PDE10A: variants seen among roughly 807,000 people sequenced by gnomAD.
PDE10A encodes the protein cAMP and cAMP-inhibited cGMP 3',5'-cyclic phosphodiesterase 10A.
A neutral mutation model predicts 97.7 loss-of-function variants in PDE10A; 39 were observed. That is an observed-to-expected ratio of 0.40 (90% CI 0.31 to 0.52). The LOEUF (loss-of-function observed/expected upper bound fraction) is 0.52. Among genes scored for constraint, PDE10A ranks in the 20% least tolerant of loss-of-function variants. The pLI is 0.56. For missense variants in PDE10A, 731 were observed against 1,047.8 expected (o/e 0.70, Z 4.17); for synonymous variants, 371 against 376.8 (o/e 0.98, Z 0.18).
At chr6:165,674,039 C>G (rs1415636026) in intron 1 of PDE10A, among the ~76,000 whole-genome samples, 1 of 152,040 alleles carries the variant, frequency 6.6e-6, no homozygotes, top group Non-Finnish European at 1.5e-5. Context: ...ATAAATGTTT[C>G]CCAGGAAAGA....
chr6:165,405,411 T>C (rs868789164), intron 13 of PDE10A, among the ~76,000 whole-genome samples: 5 of 152,188 alleles, frequency 3.3e-5, no homozygotes, highest in African/African-American at 7.2e-5. Flanking sequence ...TAACAATGAA[T>C]TGAAATTTTA....
intron 2 of PDE10A, among the ~76,000 whole-genome samples, chr6:165,506,891 T>TCTCTGATGTCTTTGTCC (rs1781227109): frequency 6.6e-6 from 1 of 152,180 alleles, no homozygotes; most frequent in Non-Finnish European, 1.5e-5. Context: ...TGCATTGCAT[T>TCTCTGATGTCTTTGTCC]CTCTGATGTC....
chr6:165,423,415 G>T (rs1788863536), intron 10 of PDE10A, among the ~76,000 whole-genome samples: 1 of 152,212 alleles, frequency 6.6e-6, no homozygotes, highest in African/African-American at 2.4e-5. Flanking sequence ...ATGAGTGCAG[G>T]TATGTTTGTT....
At chr6:165,373,681 C>T (rs1332848814) in intron 18 of PDE10A, among the ~76,000 whole-genome samples, 5 of 152,088 alleles carry the variant, frequency 3.3e-5, no homozygotes, top group African/African-American at 7.2e-5. Context: ...GGCGATTCCT[C>T]AGGGATCTAG....
At chr6:165,554,044 A>G (rs754902917) in intron 1 of PDE10A, among the ~76,000 whole-genome samples, 9 of 151,918 alleles carry the variant, frequency 5.9e-5, no homozygotes, top group Non-Finnish European at 1.3e-4. Flanking sequence ...TCGGTGGGGG[A>G]CTGGGGGTTC....
At position 165,459,554 on chromosome 6, in the gene PDE10A, C is replaced by T. The variant is rs369717685; in HGVS notation, c.1024-9192G>A. Among the ~76,000 whole-genome samples the T allele has an allele frequency of 9.7e-4, 115 of 118,460 alleles. 1 individual carries two copies. The highest frequency in any genetic ancestry group is 3.6e-3 in the African/African-American group (96 of 27,036). The allele number at this position is 118,460 out of a possible 152,430, so 77.7% of individuals were successfully genotyped here. On this transcript the variant is annotated intron_variant, in intron 3 of 21. Coordinates refer to ENST00000539869, the MANE Select transcript of PDE10A (RefSeq NM_001385079.1). ...ACAGACAGACAGACAGACAGACAGA[C>T]AGACAGATAGATAGATAATGATAGA...
At chr6:165,512,629 C>A (rs1781567187) in intron 2 of PDE10A, among the ~76,000 whole-genome samples, 2 of 151,956 alleles carry the variant, frequency 1.3e-5, no homozygotes, top group South Asian at 4.1e-4. Flanking sequence ...TGGAGCTATA[C>A]TGAATAATGC....
intron 1 of PDE10A, among the ~76,000 whole-genome samples, chr6:165,729,671 A>G (rs1792379961): frequency 6.6e-6 from 1 of 152,232 alleles, no homozygotes; most frequent in Non-Finnish European, 1.5e-5. Context: ...GAGGCCCACA[A>G]TACTAATTAA....
At chr6:165,392,386 A>C (rs138238143) in intron 16 of PDE10A, among the ~76,000 whole-genome samples, 1 of 152,322 alleles carries the variant, frequency 6.6e-6, no homozygotes, top group East Asian at 1.9e-4. Flanking sequence ...AAGCTTTAAC[A>C]GGTAAGACAG....
chr6:165,573,215 GTA>G (rs1054478440), intron 1 of PDE10A, among the ~76,000 whole-genome samples: 1 of 150,514 alleles, frequency 6.6e-6, no homozygotes, highest in African/African-American at 2.4e-5. Context: ...ATAGAATAAT[GTA>G]CTGCGCAGAC....
Position 165,343,623 on chromosome 6 carries a change from C to A in PDE10A, c.2784-121G>T, listed in dbSNP as rs1224461078. The A allele has an allele frequency of 6.3e-5, 44 of 701,742 alleles. No homozygotes were observed. In the South Asian group the frequency reaches 6.7e-4, roughly 11 times the overall value. 43.5% of individuals were successfully genotyped at this position (701,742 alleles called of 1,614,324 possible). On this transcript the variant is annotated intron_variant, in intron 18 of 21. Coordinates refer to ENST00000539869, the MANE Select transcript of PDE10A (RefSeq NM_001385079.1). ...ATGTATTACTTCATTAAAGAGCACA[C>A]AGAAGTGACAGCCAGGACAGTAAAA...
chr6:165,476,910 C>T (rs1228498057), intron 3 of PDE10A, among the ~76,000 whole-genome samples: 1 of 152,174 alleles, frequency 6.6e-6, no homozygotes, highest in African/African-American at 2.4e-5. Flanking sequence ...TCTAGCAACT[C>T]AGCATCCAAA....
At chr6:165,795,786 A>G (rs1778811717) in intron 1 of PDE10A, among the ~76,000 whole-genome samples, 1 of 152,022 alleles carries the variant, frequency 6.6e-6, no homozygotes, top group Non-Finnish European at 1.5e-5. Context: ...AACTTAATGT[A>G]GTGGCCTGAG....
At chr6:165,673,346 C>G (rs1303178059) in intron 1 of PDE10A, among the ~76,000 whole-genome samples, 1 of 152,212 alleles carries the variant, frequency 6.6e-6, no homozygotes, top group African/African-American at 2.4e-5. Flanking sequence ...TAGCCCCACT[C>G]TGACGTACAC....
chr6:165,576,220 A>G (rs1352876165), intron 1 of PDE10A, among the ~76,000 whole-genome samples: 1 of 152,248 alleles, frequency 6.6e-6, no homozygotes, highest in Non-Finnish European at 1.5e-5. Context: ...AACCCTGTCA[A>G]TGATACTGTA....
intron 1 of PDE10A, among the ~76,000 whole-genome samples, chr6:165,653,506 C>T (rs1345250068): frequency 1.3e-5 from 2 of 152,204 alleles, no homozygotes; most frequent in African/African-American, 4.8e-5. Flanking sequence ...CTGAATCACA[C>T]TGAGGAAGTG....
chr6:165,941,594 C>A (rs1397685), intron 1 of PDE10A, among the ~76,000 whole-genome samples: 3 of 151,832 alleles, frequency 2.0e-5, no homozygotes, highest in Non-Finnish European at 4.4e-5. Flanking sequence ...AGAGTTCTCA[C>A]GAGATTTGGT....
chr6:165,622,886 C>A (rs1788211223), intron 1 of PDE10A, among the ~76,000 whole-genome samples: 1 of 152,122 alleles, frequency 6.6e-6, no homozygotes, highest in African/African-American at 2.4e-5. Flanking sequence ...GGAGAGGATC[C>A]CTCATGACTT....
At chr6:165,875,731 G>GTT (rs748111095) in intron 1 of PDE10A, among the ~76,000 whole-genome samples, 41 of 46,924 alleles carry the variant, frequency 8.7e-4, no homozygotes, top group Admixed American at 1.9e-3. Flanking sequence ...TTCTTTTACT[G>GTT]TTTTTTTTTT....
Sources: allele counts gnomAD v4.1 joint callset (sites outside exome capture counted in the v4.1 genomes callset), GRCh38; gene constraint gnomAD v4.1.1; transcripts MANE v1.5; gene names NCBI Gene and HGNC (gene_info 2026-07-23, HGNC 2026-07-21).